Variants in PARD3B observed in about 807,000 individuals in gnomAD.
PARD3B encodes partitioning defective 3 homolog B.
Under a neutral mutation model 130.2 loss-of-function variants are expected in PARD3B, and 103 were observed. The ratio of observed to expected loss-of-function variants is 0.79; its 90% CI spans 0.67 to 0.93. The LOEUF is 0.93. PARD3B is among the 40% of genes least tolerant of loss of function. The pLI, the probability that PARD3B is intolerant of heterozygous loss-of-function variation, is 0.00. For missense variants in PARD3B, 1,609 were observed against 1,499.2 expected (o/e 1.07, Z -1.21); for synonymous variants, 583 against 553.2 (o/e 1.05, Z -0.76).
At chr2:205,464,340 G>A (rs541142571) in intron 20 of PARD3B, among the ~76,000 whole-genome samples, 182 of 152,222 alleles carry the variant, frequency 1.2e-3, no homozygotes, top group African/African-American at 4.0e-3. Context: ...ACTAGGAAAC[G>A]CTCTTTTTAA....
At chr2:205,348,753 C>G (rs1574771051) in intron 18 of PARD3B, among the ~76,000 whole-genome samples, 1 of 152,070 alleles carries the variant, frequency 6.6e-6, no homozygotes. Flanking sequence ...CTCTTTAATT[C>G]TCATAATACT....
intron 3 of PARD3B, among the ~76,000 whole-genome samples, chr2:204,979,101 G>T (rs1379479002): frequency 6.6e-6 from 1 of 152,002 alleles, no homozygotes; most frequent in Non-Finnish European, 1.5e-5. Flanking sequence ...ACCTACTTGG[G>T]AGGCTGAGGC....
At chr2:204,711,422 T>C (rs559657530) in intron 2 of PARD3B, among the ~76,000 whole-genome samples, 1 of 152,340 alleles carries the variant, frequency 6.6e-6, no homozygotes, top group Non-Finnish European at 1.5e-5. Context: ...CTAATGAAGG[T>C]GATATTAATA....
At chr2:205,066,240 C>A (rs919908767) in intron 4 of PARD3B, among the ~76,000 whole-genome samples, 1 of 152,118 alleles carries the variant, frequency 6.6e-6, no homozygotes, top group Admixed American at 6.6e-5. Flanking sequence ...AACAACCCAC[C>A]CTTTTAGCAT....
At chr2:205,488,262 C>T (rs891804569) in intron 20 of PARD3B, among the ~76,000 whole-genome samples, 6 of 147,880 alleles carry the variant, frequency 4.1e-5, no homozygotes, top group Admixed American at 1.3e-4. Context: ...TTCCACAGGG[C>T]GGGGGGTGTT....
intron 19 of PARD3B, among the ~76,000 whole-genome samples, chr2:205,431,705 G>A (rs945500298): frequency 1.3e-5 from 2 of 151,856 alleles, no homozygotes; most frequent in African/African-American, 2.4e-5. Flanking sequence ...TCCTGACCTC[G>A]TGATCTGCCC....
At chr2:205,238,848 AAAT>A (rs1422706201) in intron 15 of PARD3B, among the ~76,000 whole-genome samples, 55 of 76,606 alleles carry the variant, frequency 7.2e-4, no homozygotes, top group African/African-American at 3.5e-3. Context: ...AAAAAAAAAA[AAAT>A]ATATATATAT....
At chr2:205,391,588 GAGTCACTA>G (rs1203535442) in intron 18 of PARD3B, among the ~76,000 whole-genome samples, 1 of 152,194 alleles carries the variant, frequency 6.6e-6, no homozygotes, top group African/African-American at 2.4e-5. Flanking sequence ...CATTTCATCT[GAGTCACTA>G]AGGCTCTTGA....
At position 205,512,108 on chromosome 2, in the gene PARD3B, C is replaced by A. The variant is rs570638922; in HGVS notation, c.3180+12077C>A. ...GATCACTACGGTAATATTGGAATTG[C>A]CATTCTCCACAAGAAAAATGACCAC... On this transcript the variant is annotated intron_variant, in intron 21 of 22. Transcript: ENST00000406610. Among the ~76,000 whole-genome samples, 4 of 152,124 alleles carry A rather than the reference C, an allele frequency of 2.6e-5. No homozygotes were observed. The South Asian group carries it at 8.3e-4, about 32-fold the overall frequency.
chr2:204,698,946 C>G (rs774873731), intron 2 of PARD3B, among the ~76,000 whole-genome samples: 2 of 151,922 alleles, frequency 1.3e-5, no homozygotes, highest in African/African-American at 4.8e-5. Flanking sequence ...AAAGAAAAAC[C>G]TTGGGCAGTT....
At chr2:205,481,979 G>C (rs2049254011) in intron 20 of PARD3B, among the ~76,000 whole-genome samples, 1 of 152,166 alleles carries the variant, frequency 6.6e-6, no homozygotes, top group South Asian at 2.1e-4. Context: ...GCAAGGGTGA[G>C]CATGGCTTTT....
At chr2:205,177,406 T>A (rs1386897467) in intron 13 of PARD3B, among the ~76,000 whole-genome samples, 1 of 152,218 alleles carries the variant, frequency 6.6e-6, no homozygotes, top group Non-Finnish European at 1.5e-5. Context: ...AATAATGAAA[T>A]GTATGTAATG....
At chr2:205,248,746 C>T (rs541638227) in intron 16 of PARD3B, among the ~76,000 whole-genome samples, 13 of 149,024 alleles carry the variant, frequency 8.7e-5, no homozygotes, top group East Asian at 2.1e-4. Context: ...TAGCTGGGAC[C>T]ACAGGCGCCC....
At chr2:204,804,902 G>A (rs888939133) in intron 2 of PARD3B, among the ~76,000 whole-genome samples, 5 of 151,776 alleles carry the variant, frequency 3.3e-5, no homozygotes, top group African/African-American at 1.2e-4. Flanking sequence ...CAATGAATAA[G>A]GAAATTAAAA....
At chr2:205,425,196 T>C (rs1024757243) in intron 19 of PARD3B, among the ~76,000 whole-genome samples, 1 of 152,166 alleles carries the variant, frequency 6.6e-6, no homozygotes, top group Non-Finnish European at 1.5e-5. Context: ...ATAAGCACTC[T>C]GTAGGTTGTT....
intron 10 of PARD3B, among the ~76,000 whole-genome samples, chr2:205,152,971 C>T (rs181082752): frequency 1.1e-3 from 161 of 152,236 alleles, no homozygotes; most frequent in African/African-American, 3.8e-3. Context: ...TGATGTTGCT[C>T]CTATTCCGTT....
intron 2 of PARD3B, among the ~76,000 whole-genome samples, chr2:204,710,534 G>A (rs962309836): frequency 2.0e-5 from 3 of 152,154 alleles, no homozygotes; most frequent in Non-Finnish European, 1.5e-5. Flanking sequence ...GTTTAGACAG[G>A]GGCTCAAAGT....
chr2:204,883,405 TTATATATATATAATATA>T (rs2046128847), intron 2 of PARD3B, among the ~76,000 whole-genome samples: 6 of 101,310 alleles, frequency 5.9e-5, no homozygotes, highest in Admixed American at 2.9e-4. Context: ...TATATATATA[TTATATATATATAATATA>T]TATATATATA....
chr2:204,556,916 A>G (rs542648474), intron 1 of PARD3B, among the ~76,000 whole-genome samples: 25 of 152,054 alleles, frequency 1.6e-4, no homozygotes, highest in African/African-American at 6.0e-4. Flanking sequence ...AATTATCAAG[A>G]TCTAGTAGCT....
Sources: gnomAD v4.1 joint callset for allele counts (sites outside exome capture counted in the v4.1 genomes callset) on GRCh38, gnomAD v4.1.1 for gene constraint, MANE v1.5 for transcripts, NCBI Gene and HGNC (gene_info 2026-07-23, HGNC 2026-07-21) for gene names.